FOLH1: variants seen among roughly 807,000 people sequenced by gnomAD.
FOLH1 encodes glutamate carboxypeptidase 2.
Under a neutral mutation model 93.9 loss-of-function variants are expected in FOLH1, and 54 were observed. That is an observed-to-expected ratio of 0.57 (90% CI 0.46 to 0.72). The LOEUF is 0.72. Among genes scored for constraint, FOLH1 ranks in the 30% least tolerant of loss-of-function variants. FOLH1 has a pLI of 0.00. For synonymous variants in FOLH1, 249 were observed against 303.6 expected (o/e 0.82, Z 1.87); for missense variants, 571 against 892.5 (o/e 0.64, Z 4.59).
chr11:49,150,827 CTG>C (rs1227546803), intron 17 of FOLH1, among the ~76,000 whole-genome samples: 1 of 152,088 alleles, frequency 6.6e-6, no homozygotes, highest in Admixed American at 6.5e-5. Flanking sequence ...ATTTAATTAA[CTG>C]AGAAAAATCA....
intron 3 of FOLH1, among the ~76,000 whole-genome samples, chr11:49,195,736 A>C (rs1413219576): frequency 6.6e-6 from 1 of 152,220 alleles, no homozygotes; most frequent in Non-Finnish European, 1.5e-5. Context: ...GCACATCTAC[A>C]GACGCTGAAC....
At chr11:49,149,599 A>C (rs938345968) in intron 17 of FOLH1, among the ~76,000 whole-genome samples, 68 of 152,094 alleles carry the variant, frequency 4.5e-4, no homozygotes, top group African/African-American at 1.3e-3. Context: ...CTCTTACTTT[A>C]TATTTTTCAT....
At chr11:49,190,877 A>C (rs1227560973) in intron 4 of FOLH1, among the ~76,000 whole-genome samples, 3 of 152,214 alleles carry the variant, frequency 2.0e-5, no homozygotes, top group African/African-American at 7.2e-5. Context: ...GCTGAAGTGC[A>C]TACATTTAAT....
chr11:49,160,691 C>T (rs1442765652), intron 13 of FOLH1, among the ~76,000 whole-genome samples: 1 of 152,180 alleles, frequency 6.6e-6, no homozygotes, highest in Non-Finnish European at 1.5e-5. Flanking sequence ...ATCTGCCCTC[C>T]TCGGCCTCCC....
chr11:49,166,578 A>G (rs1858440202), intron 12 of FOLH1, among the ~76,000 whole-genome samples: 1 of 152,242 alleles, frequency 6.6e-6, no homozygotes, highest in Admixed American at 6.5e-5. Context: ...AACTGAGGAC[A>G]GTAATACCTT....
intron 7 of FOLH1, 51 bp from the exon 8 acceptor site, chr11:49,176,008 G>T (rs2974888): frequency 1.3e-6 from 2 of 1,527,024 alleles, no homozygotes; most frequent in Non-Finnish European, 1.8e-6. Flanking sequence ...TTGAAGTAAC[G>T]CATTAAAATG....
At chr11:49,188,668 G>C (rs1398089252) in intron 4 of FOLH1, among the ~76,000 whole-genome samples, 1 of 152,050 alleles carries the variant, frequency 6.6e-6, no homozygotes. Flanking sequence ...ACAGTGAAGC[G>C]TTATCTTAAC....
At chr11:49,190,684 A>G (rs1023266291) in intron 4 of FOLH1, among the ~76,000 whole-genome samples, 8 of 152,216 alleles carry the variant, frequency 5.3e-5, no homozygotes, top group African/African-American at 1.7e-4. Flanking sequence ...GACAGACACT[A>G]AAGCTTGAGA....
chr11:49,187,068 G>A (rs571702176), intron 4 of FOLH1, among the ~76,000 whole-genome samples: 5 of 152,222 alleles, frequency 3.3e-5, no homozygotes, highest in Admixed American at 1.3e-4. Flanking sequence ...AAGCATATAC[G>A]TGTACACATT....
chr11:49,170,486 A>C (rs1157645482), intron 11 of FOLH1, among the ~76,000 whole-genome samples: 1 of 152,098 alleles, frequency 6.6e-6, no homozygotes, highest in African/African-American at 2.4e-5. Context: ...GTGGTGGCAC[A>C]TGCCTGTAAT....
At chr11:49,148,057 GGGCCATTTCT>G (rs1269053849) in intron 18 of FOLH1, among the ~76,000 whole-genome samples, 3 of 151,926 alleles carry the variant, frequency 2.0e-5, no homozygotes, top group African/African-American at 7.2e-5. Context: ...AAGAAAGTTA[GGGCCATTTCT>G]GGCTGTCCAA....
At chr11:49,164,616 T>C in intron 13 of FOLH1, 89 bp downstream of exon 13, 3 of 868,150 alleles carry the variant, frequency 3.5e-6, no homozygotes, top group Non-Finnish European at 5.5e-6. Context: ...GACAAGAAGT[T>C]ATAAAACACC....
chr11:49,154,474 C>T lies in FOLH1; in HGVS notation c.1642G>A (p.Gly548Ser), dbSNP rs199709866. ...TKNWETNKFS[G>S]YPLYHSVYET... Reference sequence around the variant, plus strand: ...TAGACACTGTGATACAGTGGATAGCCGCTGAATTTGTTTGTTTCCTACAGA... The same window carrying T: ...TAGACACTGTGATACAGTGGATAGCTGCTGAATTTGTTTGTTTCCTACAGA... Residue 548 changes from glycine (G) to serine (S), a missense_variant, in exon 16 of 19, where the codon GGC becomes AGC. By Grantham distance (56) the Gly-to-Ser change is moderately conservative (BLOSUM62 0). Transcript: ENST00000256999. 201 of 1,583,818 alleles carry T rather than the reference C, an allele frequency of 1.3e-4. 3 individuals carry two copies. The highest frequency in any genetic ancestry group is 8.5e-4 in the South Asian group (75 of 87,826).
At chr11:49,181,589 T>C (rs1015352997) in intron 7 of FOLH1, among the ~76,000 whole-genome samples, 2 of 152,182 alleles carry the variant, frequency 1.3e-5, no homozygotes, top group African/African-American at 4.8e-5. Context: ...TTCGAGTACA[T>C]ATAAATTGTT....
At position 49,208,302 on chromosome 11, in the gene FOLH1, G is replaced by A; in HGVS notation, c.108C>T (p.Gly36=). The change falls in exon 1 of 19, where the codon GGC becomes GGT. Residue 36 remains glycine, a synonymous_variant. Coordinates refer to ENST00000256999, the MANE Select transcript of FOLH1 (RefSeq NM_004476.3). ...LVLAGGFFLL[G]FLFGWFIKSS... ...GAGGCGCCCCCCTACCGAAGAGGAA[G>A]CCGAGGAGAAAGAAGCCACCCGCCA... 1 of 1,565,724 alleles carries A rather than the reference G, an allele frequency of 6.4e-7. No homozygotes were observed. Among genetic ancestry groups the A allele is most frequent in the Non-Finnish European group, 8.7e-7 (1 of 1,152,982 alleles).
intron 3 of FOLH1, among the ~76,000 whole-genome samples, chr11:49,194,482 T>C (rs965322552): frequency 1.3e-5 from 2 of 152,026 alleles, no homozygotes; most frequent in Non-Finnish European, 2.9e-5. Flanking sequence ...AAATTATGCA[T>C]ATAAATTGGT....
intron 1 of FOLH1, chr11:49,207,822 A>G (rs1864139316): frequency 8.8e-6 from 4 of 452,088 alleles, no homozygotes; most frequent in African/African-American, 2.0e-5. Context: ...GTACCCAGGA[A>G]AAACAGCAAA....
chr11:49,191,808 C>A (rs1167466186), intron 4 of FOLH1, among the ~76,000 whole-genome samples: 1 of 152,252 alleles, frequency 6.6e-6, no homozygotes, highest in African/African-American at 2.4e-5. Context: ...CGCCATCCTC[C>A]TGCCTCAGCC....
chr11:49,197,542 GTC>G (rs1862750858), intron 3 of FOLH1, among the ~76,000 whole-genome samples: 1 of 152,158 alleles, frequency 6.6e-6, no homozygotes, highest in Non-Finnish European at 1.5e-5. Context: ...GTGAAACAAT[GTC>G]TCTGTATACA....
Sources: gnomAD v4.1 joint callset for allele counts (sites outside exome capture counted in the v4.1 genomes callset) on GRCh38, gnomAD v4.1.1 for gene constraint, MANE v1.5 for transcripts, NCBI Gene and HGNC (gene_info 2026-07-23, HGNC 2026-07-21) for gene names.